The following GABRB1 variants were observed in gnomAD, a reference collection of about 807,000 sequenced individuals.
GABRB1 encodes the protein gamma-aminobutyric acid type A receptor subunit beta1, also known as gamma-aminobutyric acid receptor subunit beta-1.
GABRB1 carries 17 observed loss-of-function variants against 51.6 expected under a neutral mutation model. That is an observed-to-expected ratio of 0.33 (90% CI 0.23 to 0.49). The LOEUF (loss-of-function observed/expected upper bound fraction) is 0.49, where lower values mean the gene tolerates loss of function less well. Ranked by LOEUF, GABRB1 falls within the 20% of genes least tolerant of loss-of-function variation. The pLI is 0.99. For synonymous variants in GABRB1, 247 were observed against 218.9 expected (o/e 1.13, Z -1.14); for missense variants, 410 against 600.6 (o/e 0.68, Z 3.32).
chr4:47,248,380 T>C (rs968781176), intron 4 of GABRB1, among the ~76,000 whole-genome samples: 3 of 152,152 alleles, frequency 2.0e-5, no homozygotes, highest in African/African-American at 7.2e-5. Context: ...CACTTGATCA[T>C]GGTGGATTAT....
intron 5 of GABRB1, among the ~76,000 whole-genome samples, chr4:47,351,482 A>T (rs1187066081): frequency 6.6e-6 from 1 of 151,910 alleles, no homozygotes; most frequent in East Asian, 1.9e-4. Context: ...ATATGTGTAC[A>T]TGTGCCATGC....
rs548711215 is a variant in GABRB1, at chr4:47,204,588, G to C, written c.461+43119G>C. Among the ~76,000 whole-genome samples, 5 of 152,144 alleles carry C rather than the reference G, an allele frequency of 3.3e-5. No homozygotes were observed. The East Asian group carries it at 5.8e-4, about 18-fold the overall frequency. On this transcript the variant is annotated intron_variant, in intron 4 of 8. Coordinates refer to ENST00000295454, the MANE Select transcript of GABRB1 (RefSeq NM_000812.4). The stretch of plus-strand genomic sequence containing the variant: ...GAATTGTAATTCCCACAATCCCCAC[G>C]TGTCTTGGAGGAACCCAGTGGGAGG...
At chr4:47,014,394 A>G (rs971420428) in intron 1 of GABRB1, among the ~76,000 whole-genome samples, 8 of 152,154 alleles carry the variant, frequency 5.3e-5, no homozygotes, top group African/African-American at 1.9e-4. Flanking sequence ...TAAATCTAAC[A>G]CTATTGTCAT....
intron 5 of GABRB1, among the ~76,000 whole-genome samples, chr4:47,362,368 G>A (rs1054734732): frequency 6.6e-6 from 1 of 151,996 alleles, no homozygotes; most frequent in Admixed American, 6.6e-5. Flanking sequence ...TGAGTAGAGT[G>A]GCAGCAAGAG....
At chr4:47,246,299 T>TATATAC (rs1329276891) in intron 4 of GABRB1, among the ~76,000 whole-genome samples, 16 of 84,170 alleles carry the variant, frequency 1.9e-4, no homozygotes, top group African/African-American at 7.0e-4. Flanking sequence ...TATATATATA[T>TATATAC]ACACACACAC....
At chr4:47,211,169 G>A (rs189144412) in intron 4 of GABRB1, among the ~76,000 whole-genome samples, 2 of 152,160 alleles carry the variant, frequency 1.3e-5, no homozygotes, top group African/African-American at 2.4e-5. Context: ...AATCATAATC[G>A]GTTTTGGTGA....
chr4:47,261,937 T>C (rs1393065005), intron 4 of GABRB1, among the ~76,000 whole-genome samples: 1 of 151,728 alleles, frequency 6.6e-6, no homozygotes, highest in Non-Finnish European at 1.5e-5. Context: ...AAACAAGCAA[T>C]GGGGAAAGGA....
intron 4 of GABRB1, 112 bp downstream of exon 4, chr4:47,161,581 T>C: frequency 1.3e-6 from 1 of 774,044 alleles, no homozygotes; most frequent in Non-Finnish European, 2.1e-6. Context: ...AATATATAAA[T>C]GGGGTGTCAT....
At chr4:47,131,394 A>G (rs112249378) in intron 3 of GABRB1, among the ~76,000 whole-genome samples, 1,691 of 152,164 alleles carry the variant, frequency 0.011, 24 homozygotes, top group African/African-American at 0.039. Context: ...CTGACCTCAG[A>G]TGATCTGCCC....
chr4:47,045,012 G>A (rs1726024468), intron 3 of GABRB1, among the ~76,000 whole-genome samples: 1 of 152,012 alleles, frequency 6.6e-6, no homozygotes, highest in Non-Finnish European at 1.5e-5. Context: ...TTTATATGAG[G>A]AGGAAATAAA....
chr4:47,032,087 G>A (rs6847977), intron 2 of GABRB1, 82 bp downstream of exon 2: 399,404 of 592,236 alleles, frequency 0.67, 109,660 homozygotes, highest in Admixed American at 0.73. Flanking sequence ...AAAAAAAAAA[G>A]AAAAGGCATG....
intron 3 of GABRB1, among the ~76,000 whole-genome samples, chr4:47,056,150 T>C (rs1274066119): frequency 6.6e-6 from 1 of 152,200 alleles, no homozygotes; most frequent in Non-Finnish European, 1.5e-5. Flanking sequence ...ATGTACGTCC[T>C]GCCCTCATTG....
chr4:47,042,401 G>A (rs1258572866), intron 3 of GABRB1, among the ~76,000 whole-genome samples: 7,494 of 42,926 alleles, frequency 0.17, 161 homozygotes, highest in Middle Eastern at 0.28. Flanking sequence ...GTACATGTAT[G>A]TGTATGTGTA....
chr4:47,249,794 C>T (rs1017499153), intron 4 of GABRB1, among the ~76,000 whole-genome samples: 11 of 152,078 alleles, frequency 7.2e-5, no homozygotes, highest in Non-Finnish European at 1.3e-4. Context: ...TTTTTCCACC[C>T]TTTTACTTTA....
At chr4:47,079,766 C>T (rs6846181) in intron 3 of GABRB1, among the ~76,000 whole-genome samples, 70,022 of 147,354 alleles carry the variant, frequency 0.48, 16,686 homozygotes, top group African/African-American at 0.53. Flanking sequence ...CCAAACACCA[C>T]ATGTTCTCAC....
At chr4:47,041,687 TA>T (rs1454891649) in intron 3 of GABRB1, among the ~76,000 whole-genome samples, 1 of 152,110 alleles carries the variant, frequency 6.6e-6, no homozygotes, top group African/African-American at 2.4e-5. Context: ...CTCACGGAGA[TA>T]TTTTTTCTTA....
chr4:47,179,344 T>C (rs1304769059), intron 4 of GABRB1, among the ~76,000 whole-genome samples: 1 of 152,144 alleles, frequency 6.6e-6, no homozygotes, highest in Non-Finnish European at 1.5e-5. Flanking sequence ...TTGAAGGGCA[T>C]AGTTCAAACA....
chr4:47,097,547 A>G (rs1210835413), intron 3 of GABRB1, among the ~76,000 whole-genome samples: 2 of 152,102 alleles, frequency 1.3e-5, no homozygotes, highest in African/African-American at 2.4e-5. Context: ...TCTATTTTAC[A>G]TATTTATATG....
At chr4:47,270,455 G>T (rs772144505) in intron 4 of GABRB1, among the ~76,000 whole-genome samples, 2 of 152,134 alleles carry the variant, frequency 1.3e-5, no homozygotes, top group Non-Finnish European at 2.9e-5. Flanking sequence ...CACAATTTTG[G>T]CTCTGCTTCT....
Sources: allele counts gnomAD v4.1 joint callset (sites outside exome capture counted in the v4.1 genomes callset), GRCh38; gene constraint gnomAD v4.1.1; transcripts MANE v1.5; gene names NCBI Gene and HGNC (gene_info 2026-07-23, HGNC 2026-07-21).